Variants in NFIB observed in about 807,000 individuals in gnomAD.
The protein encoded by NFIB is nuclear factor I B, also known as nuclear factor 1 B-type.
Under a neutral mutation model 61.5 loss-of-function variants are expected in NFIB, and 11 were observed. That is an observed-to-expected ratio of 0.18 (90% CI 0.11 to 0.30). NFIB has a LOEUF of 0.30. NFIB is among the 10% of genes least tolerant of loss of function. The probability of loss-of-function intolerance (pLI) is 1.00; values close to 1 mark genes in which losing one functional copy is unlikely to be tolerated. For missense variants in NFIB, 471 were observed against 608.9 expected, an observed-to-expected ratio of 0.77 and a Z score of 2.38; for synonymous variants, 260 against 216.5, an observed-to-expected ratio of 1.20 and a Z score of -1.76.
chr9:14,421,210 T>C, the NFIB span, among the ~76,000 whole-genome samples: 1 of 152,316 alleles, frequency 6.6e-6, no homozygotes, highest in Admixed American at 6.5e-5. Flanking sequence ...TGCCAATTCT[T>C]ATGAAATATT....
intron 2 of NFIB, among the ~76,000 whole-genome samples, chr9:14,286,655 G>C (rs1188114070): frequency 6.6e-6 from 1 of 152,146 alleles, no homozygotes; most frequent in Non-Finnish European, 1.5e-5. Context: ...CAAAAATTGG[G>C]TAATTCTTCT....
chr9:14,116,184 T>G (rs2119088033), intron 9 of NFIB, 24 bp downstream of exon 9: 1 of 1,482,592 alleles, frequency 6.7e-7, no homozygotes, highest in East Asian at 2.7e-5. Flanking sequence ...TACTTACTGG[T>G]TGCTGTAGGT....
chr9:14,251,679 G>A (rs2055646146), intron 2 of NFIB, among the ~76,000 whole-genome samples: 1 of 152,204 alleles, frequency 6.6e-6, no homozygotes, highest in East Asian at 1.9e-4. Flanking sequence ...GGCCACTGGA[G>A]CCTCCTGCAG....
chr9:14,404,878 C>A, the NFIB span, among the ~76,000 whole-genome samples: 1 of 152,160 alleles, frequency 6.6e-6, no homozygotes, highest in African/African-American at 2.4e-5. Flanking sequence ...TGTCCAGCCT[C>A]CAGCAGCAAA....
upstream of NFIB, chr9:14,314,607 A>T (rs1379771120): frequency 1.3e-5 from 2 of 151,310 alleles, no homozygotes; most frequent in Non-Finnish European, 2.9e-5. Context: ...AGACTTAAGG[A>T]TTGTTTTATT....
chr9:14,493,698 A>C, the NFIB span, among the ~76,000 whole-genome samples: 1 of 152,174 alleles, frequency 6.6e-6, no homozygotes, highest in Non-Finnish European at 1.5e-5. Context: ...ACATGGCTAA[A>C]TGGACCTTTC....
At chr9:14,361,220 C>A (rs938160446) in intron 1 of NFIB, 1 of 150,444 alleles carries the variant, frequency 6.6e-6, no homozygotes, top group East Asian at 2.0e-4. Context: ...TTACAGTCAG[C>A]TCCTTGAGAG....
chr9:14,255,860 C>T (rs912634470), intron 2 of NFIB, among the ~76,000 whole-genome samples: 3 of 152,302 alleles, frequency 2.0e-5, no homozygotes, highest in Middle Eastern at 6.8e-3. Flanking sequence ...TTGAATTCAA[C>T]TCTGTCCTGC....
At chr9:14,238,487 G>A (rs201479221) in intron 2 of NFIB, among the ~76,000 whole-genome samples, 1 of 152,206 alleles carries the variant, frequency 6.6e-6, no homozygotes, top group African/African-American at 2.4e-5. Flanking sequence ...CAAACAGACA[G>A]AAGGGTGCAT....
At chr9:14,123,646 G>A (rs534231062) in intron 7 of NFIB, among the ~76,000 whole-genome samples, 1 of 152,308 alleles carries the variant, frequency 6.6e-6, no homozygotes, top group African/African-American at 2.4e-5. Flanking sequence ...GCAGTTGCCT[G>A]CTGCAATGGC....
At chr9:14,158,010 C>T (rs1692891091) in intron 3 of NFIB, among the ~76,000 whole-genome samples, 1 of 151,418 alleles carries the variant, frequency 6.6e-6, no homozygotes, top group Admixed American at 6.6e-5. Flanking sequence ...ACTCGGGAGG[C>T]CGAGGCAGGA....
the NFIB span, among the ~76,000 whole-genome samples, chr9:14,433,274 A>T: frequency 3.9e-5 from 6 of 152,100 alleles, no homozygotes; most frequent in South Asian, 2.1e-4. Flanking sequence ...GTCATTAAAA[A>T]TTTTTTTGCC....
chr9:14,435,337 C>T, the NFIB span, among the ~76,000 whole-genome samples: 1 of 152,018 alleles, frequency 6.6e-6, no homozygotes, highest in Non-Finnish European at 1.5e-5. Flanking sequence ...ACCAACTGAA[C>T]CACAGGAGAA....
chr9:14,192,624 T>C (rs73645007), intron 2 of NFIB, among the ~76,000 whole-genome samples: 7,661 of 152,260 alleles, frequency 0.05, 580 homozygotes, highest in African/African-American at 0.17. Context: ...TTCCCTCCTC[T>C]GCTTTGACAT....
At chr9:14,292,396 T>A (rs1281493831) in intron 2 of NFIB, among the ~76,000 whole-genome samples, 2 of 152,232 alleles carry the variant, frequency 1.3e-5, no homozygotes, top group Non-Finnish European at 2.9e-5. Flanking sequence ...ATGAAAGTGT[T>A]ACTCAAGAGT....
At chr9:14,465,543 C>T in the NFIB span, among the ~76,000 whole-genome samples, 6 of 150,444 alleles carry the variant, frequency 4.0e-5, no homozygotes, top group African/African-American at 1.5e-4. Flanking sequence ...TCAACCAAAG[C>T]ATATTTTGTG....
chr9:14,491,971 T>C, the NFIB span, among the ~76,000 whole-genome samples: 14 of 152,336 alleles, frequency 9.2e-5, 1 homozygote, highest in South Asian at 2.9e-3. Flanking sequence ...TTCAAGTTTG[T>C]TACCACATTT....
chr9:14,174,286 A>G (rs1404581598), intron 3 of NFIB, among the ~76,000 whole-genome samples: 2 of 152,244 alleles, frequency 1.3e-5, no homozygotes, highest in South Asian at 2.1e-4. Flanking sequence ...CAGTCCTTTC[A>G]GCATCTTTCT....
the NFIB span, among the ~76,000 whole-genome samples, chr9:14,406,657 G>T: frequency 1.3e-5 from 2 of 152,136 alleles, no homozygotes; most frequent in African/African-American, 4.8e-5. Context: ...ATAGCTAGGT[G>T]TGGTCACGTG....
Sources: gnomAD v4.1 joint callset for allele counts (sites outside exome capture counted in the v4.1 genomes callset) on GRCh38, gnomAD v4.1.1 for gene constraint, MANE v1.5 for transcripts, NCBI Gene and HGNC (gene_info 2026-07-23, HGNC 2026-07-21) for gene names.